SCN8A: variants seen among roughly 807,000 people sequenced by gnomAD.
SCN8A encodes the protein sodium channel protein type 8 subunit alpha.
SCN8A carries 30 observed loss-of-function variants against 184.1 expected under a neutral mutation model. The ratio of observed to expected loss-of-function variants is 0.16; its 90% confidence interval spans 0.12 to 0.22. The LOEUF (loss-of-function observed/expected upper bound fraction) is 0.22. Among genes scored for constraint, SCN8A ranks in the 10% least tolerant of loss-of-function variants. The pLI, the probability that SCN8A is intolerant of heterozygous loss-of-function variation, is 1.00. For missense variants in SCN8A, 1,057 were observed against 2,498.9 expected (o/e 0.42, Z 12.30); for synonymous variants, 852 against 907.0 (o/e 0.94, Z 1.09).
rs577892096 is a variant in SCN8A at position 51,803,041 on chromosome 12, C to T, written c.4796-3241C>T. 2.5e-3 allele frequency among the ~76,000 whole-genome samples: 385 copies of T among 152,342 alleles called. 3 individuals are homozygous for T. Among genetic ancestry groups the T allele is most frequent in the African/African-American group, 9.0e-3 (375 of 41,574 alleles). ...ACAGAACTAATAGGATAGATGTGAT[C>T]TCACATGATCACAAGGTGAAGTCCC... On this transcript the variant is annotated intron_variant, in intron 26 of 26. Coordinates refer to ENST00000627620, the MANE Select transcript of SCN8A (RefSeq NM_001330260.2).
At chr12:51,713,271 A>G (rs1441236067) in intron 11 of SCN8A, 7 of 1,155,576 alleles carry the variant, frequency 6.1e-6, no homozygotes, top group East Asian at 2.3e-5. Context: ...AATCCTCTCT[A>G]GAAACAGCTC....
intron 2 of SCN8A, among the ~76,000 whole-genome samples, chr12:51,682,569 C>T (rs1447182847): frequency 1.3e-5 from 2 of 152,076 alleles, no homozygotes; most frequent in Admixed American, 6.5e-5. Flanking sequence ...GAAGGATATA[C>T]AAAAAAACTG....
chr12:51,745,050 C>T (rs1942487825), intron 12 of SCN8A, among the ~76,000 whole-genome samples: 1 of 152,116 alleles, frequency 6.6e-6, no homozygotes, highest in East Asian at 1.9e-4. Flanking sequence ...AGTTTTAAGC[C>T]ACCCCATTAA....
At chr12:51,649,823 C>G (rs537148942) in intron 1 of SCN8A, among the ~76,000 whole-genome samples, 2 of 152,288 alleles carry the variant, frequency 1.3e-5, no homozygotes, top group East Asian at 1.9e-4. Flanking sequence ...GATTAACATT[C>G]GCTCCTGATT....
rs1942883816 is a variant in SCN8A, at chr12:51,769,123, C to T, written c.3160C>T (p.His1054Tyr). 3 of 1,613,338 alleles carry T rather than the reference C, an allele frequency of 1.9e-6. No homozygotes were observed. The highest frequency in any genetic ancestry group is 2.5e-6 in the Non-Finnish European group (3 of 1,179,608). Residue 1054 changes from histidine (H) to tyrosine (Y), a missense_variant, in exon 17 of 27, where the codon CAC (histidine) becomes TAC (tyrosine). This residue lies in a region of SCN8A where 178 missense variants were observed against 259.6 expected (regional missense o/e 0.69). Coordinates refer to ENST00000627620, the MANE Select transcript of SCN8A (RefSeq NM_001330260.2). ...CIANHTGADI[H>Y]RNGDFQKNGN... ...CGCCAATCACACCGGTGCAGACATC[C>T]ACCGGAATGGTGACTTCCAGAAGAA...
In SCN8A at chr12:51,786,837, T is replaced by C. The variant is rs773976421; in HGVS notation, c.4227+11T>C. The C allele has an allele frequency of 3.7e-6, 6 of 1,601,986 alleles. No individual in the cohort carries two copies. The highest frequency in any genetic ancestry group is 5.1e-6 in the Non-Finnish European group (6 of 1,176,194). ...GCCCTTCTTCAAGTAGTAAGTAGTGTTTTTGTTTTTGTTTTTTCAGTTCTG... is the reference window on the plus strand; with the variant it reads ...GCCCTTCTTCAAGTAGTAAGTAGTGCTTTTGTTTTTGTTTTTTCAGTTCTG... On this transcript the variant is annotated intron_variant, in intron 22 of 26. Transcript: ENST00000627620.
At chr12:51,645,950 TAAAAAAAAAA>T (rs35944797) in intron 1 of SCN8A, among the ~76,000 whole-genome samples, 1 of 14,046 alleles carries the variant, frequency 7.1e-5, no homozygotes, top group African/African-American at 2.6e-4. Context: ...AATGATCAAT[TAAAAAAAAAA>T]AAAAATAATA....
At chr12:51,712,507 A>G (rs1941895417) in intron 11 of SCN8A, 7 of 772,198 alleles carry the variant, frequency 9.1e-6, no homozygotes, top group Non-Finnish European at 1.4e-5. Context: ...CACTAGATGC[A>G]TAACCACCAC....
intron 20 of SCN8A, among the ~76,000 whole-genome samples, chr12:51,775,236 G>A (rs992327200): frequency 3.3e-5 from 5 of 152,208 alleles, no homozygotes; most frequent in African/African-American, 9.6e-5. Flanking sequence ...AAAGTAGAAC[G>A]GTGGAGACTA....
intron 11 of SCN8A, among the ~76,000 whole-genome samples, chr12:51,707,034 A>G (rs1355508451): frequency 1.3e-5 from 2 of 152,146 alleles, no homozygotes; most frequent in Admixed American, 6.5e-5. Context: ...TGTTGCTGCA[A>G]ATGATAGGAT....
At chr12:51,652,840 G>A (rs1416948385) in intron 1 of SCN8A, among the ~76,000 whole-genome samples, 1 of 152,136 alleles carries the variant, frequency 6.6e-6, no homozygotes, top group Non-Finnish European at 1.5e-5. Flanking sequence ...TTACCATACT[G>A]TACTTTGCCT....
chr12:51,657,049 CAT>C (rs1940835020), intron 1 of SCN8A, among the ~76,000 whole-genome samples: 1 of 152,076 alleles, frequency 6.6e-6, no homozygotes. Flanking sequence ...AAAATAAGTA[CAT>C]GTGTGTGCAC....
At chr12:51,721,941 T>C (rs964747536) in intron 12 of SCN8A, 33 bp downstream of exon 12, 1 of 1,599,270 alleles carries the variant, frequency 6.3e-7, no homozygotes, top group South Asian at 1.1e-5. Flanking sequence ...CCGATGACAG[T>C]GTAAGGAAGA....
At chr12:51,702,483 A>T (rs180720264) in intron 8 of SCN8A, among the ~76,000 whole-genome samples, 6 of 152,322 alleles carry the variant, frequency 3.9e-5, no homozygotes, top group Admixed American at 3.9e-4. Context: ...AAAAATGCAG[A>T]TTCATAGATC....
chr12:51,712,505 G>A (rs1388286767), intron 11 of SCN8A: 8 of 771,388 alleles, frequency 1.0e-5, no homozygotes, highest in Non-Finnish European at 1.9e-5. Context: ...ACCACTAGAT[G>A]CATAACCACC....
At chr12:51,712,777 T>G in intron 11 of SCN8A, 1 of 1,189,492 alleles carries the variant, frequency 8.4e-7, no homozygotes, top group African/African-American at 1.5e-5. Context: ...ACCACCAGCA[T>G]AGTTGCCACC....
chr12:51,689,126 T>C, intron 6 of SCN8A, 30 bp downstream of exon 6: 2 of 1,494,732 alleles, frequency 1.3e-6, no homozygotes, highest in East Asian at 4.7e-5. Context: ...AGACTGACTT[T>C]GCCACATCTC....
intron 6 of SCN8A, 61 bp downstream of exon 6, chr12:51,689,157 T>C: frequency 8.2e-7 from 1 of 1,221,852 alleles, no homozygotes; most frequent in South Asian, 1.3e-5. Flanking sequence ...TCCATTCGTT[T>C]TGTCCACCAT....
intron 13 of SCN8A, among the ~76,000 whole-genome samples, chr12:51,749,394 C>T (rs976109136): frequency 2.0e-5 from 3 of 152,090 alleles, no homozygotes; most frequent in Non-Finnish European, 1.5e-5. Context: ...TGTGAGCAGT[C>T]GCAGCTTCAA....
Sources: gnomAD v4.1 joint callset for allele counts (sites outside exome capture counted in the v4.1 genomes callset) on GRCh38, gnomAD v4.1.1 for gene constraint, gnomAD v4.1.1 regional missense constraint, MANE v1.5 for transcripts, NCBI Gene and HGNC (gene_info 2026-07-23, HGNC 2026-07-21) for gene names.